Variants in ATP13A4 observed in about 807,000 individuals in gnomAD.
ATP13A4 encodes ATPase 13A4, also known as probable cation-transporting ATPase 13A4.
Under a neutral mutation model 142.5 loss-of-function variants are expected in ATP13A4, and 114 were observed. That is an observed-to-expected ratio of 0.80 (90% CI 0.69 to 0.93). The LOEUF is 0.93. Among genes scored for constraint, ATP13A4 ranks in the 40% least tolerant of loss-of-function variants. The pLI is 0.00. For synonymous variants in ATP13A4, 488 were observed against 514.8 expected, an observed-to-expected ratio of 0.95 and a Z score of 0.70; for missense variants, 1,392 against 1,454.0, an observed-to-expected ratio of 0.96 and a Z score of 0.69.
At chr3:193,413,251 T>C (rs1714866936) in intron 26 of ATP13A4, among the ~76,000 whole-genome samples, 1 of 152,220 alleles carries the variant, frequency 6.6e-6, no homozygotes, top group South Asian at 2.1e-4. Context: ...AATAATACTC[T>C]TATAATTTCT....
At chr3:193,497,286 A>T (rs1042173031) in intron 3 of ATP13A4, among the ~76,000 whole-genome samples, 1 of 152,206 alleles carries the variant, frequency 6.6e-6, no homozygotes, top group African/African-American at 2.4e-5. Context: ...TCAAAAGAAG[A>T]CACACAAATG....
At chr3:193,437,402 C>T (rs1716350292) in intron 23 of ATP13A4, among the ~76,000 whole-genome samples, 1 of 152,100 alleles carries the variant, frequency 6.6e-6, no homozygotes, top group African/African-American at 2.4e-5. Flanking sequence ...TGCCTACTCA[C>T]TAAAGATTTG....
At chr3:193,424,605 A>G (rs1018992064) in intron 25 of ATP13A4, among the ~76,000 whole-genome samples, 3 of 149,706 alleles carry the variant, frequency 2.0e-5, no homozygotes, top group Non-Finnish European at 3.0e-5. Flanking sequence ...AATGGTGCTG[A>G]GAAAATTGGT....
At chr3:193,455,316 GGGCA>G (rs1202927785) in intron 16 of ATP13A4, among the ~76,000 whole-genome samples, 24 of 143,754 alleles carry the variant, frequency 1.7e-4, no homozygotes, top group Admixed American at 6.5e-4. Context: ...ACTCCAGCCT[GGGCA>G]ACAGAGCGAG....
At chr3:193,562,985 A>C (rs1469234119) in intron 2 of ATP13A4, among the ~76,000 whole-genome samples, 5 of 152,202 alleles carry the variant, frequency 3.3e-5, no homozygotes, top group African/African-American at 1.2e-4. Context: ...CAATGTTTTC[A>C]TCTTTGAAAT....
In ATP13A4 at chr3:193,466,283, A is replaced by T. The variant is rs973471185; in HGVS notation, c.1115-101T>A. 26 of 1,405,140 alleles carry T rather than the reference A, an allele frequency of 1.9e-5. No individual in the cohort carries two copies. The African/African-American group carries it at 3.4e-4, about 18-fold the overall frequency. 87.0% of individuals were successfully genotyped at this position (1,405,140 alleles called of 1,614,324 possible). On this transcript the variant is annotated intron_variant, in intron 10 of 29. Coordinates refer to ENST00000342695, the MANE Select transcript of ATP13A4 (RefSeq NM_032279.4). ...CTTTGTTTTTCTCTGCTGATATTTGAACAGTGTTTAAGCTCAAAGGCAATT... is the reference window on the plus strand; with the variant it reads ...CTTTGTTTTTCTCTGCTGATATTTGTACAGTGTTTAAGCTCAAAGGCAATT...
intron 20 of ATP13A4, 131 bp downstream of exon 20, chr3:193,441,333 GTC>G: frequency 8.8e-7 from 1 of 1,136,232 alleles, no homozygotes; most frequent in African/African-American, 1.5e-5. Context: ...AAAAATATCT[GTC>G]TCTCTTAAGA....
At position 193,502,476 on chromosome 3, in the gene ATP13A4, G is replaced by A; in HGVS notation, c.381+17C>T. ...TTAAATCTCTCTGACATCAGCAGTAGCCATAAGTTTACTTACCTTTAGGTC... is the reference window on the plus strand; with the variant it reads ...TTAAATCTCTCTGACATCAGCAGTAACCATAAGTTTACTTACCTTTAGGTC... On this transcript the variant is annotated intron_variant, in intron 3 of 29. Coordinates refer to ENST00000342695, the MANE Select transcript of ATP13A4 (RefSeq NM_032279.4). 1 of 1,612,000 alleles carries A rather than the reference G, an allele frequency of 6.2e-7. No individual in the cohort carries two copies. The highest frequency in any genetic ancestry group is 8.5e-7 in the Non-Finnish European group (1 of 1,178,190).
At chr3:193,466,353 T>C (rs1180995575) in intron 10 of ATP13A4, among the ~76,000 whole-genome samples, 171 bp from the exon 11 acceptor site, 1 of 152,238 alleles carries the variant, frequency 6.6e-6, no homozygotes, top group African/African-American at 2.4e-5. Context: ...CGGAAATCTC[T>C]ATCTCAGAGC....
chr3:193,408,623 A>C lies in ATP13A4; in HGVS notation c.3298-1230T>G, dbSNP rs534824018. Reference sequence around the variant, plus strand: ...AGAATCCACCACCACATCCACTGTAAAGCATATCTAAAGTCATAAGCTGCA... The same window carrying C: ...AGAATCCACCACCACATCCACTGTACAGCATATCTAAAGTCATAAGCTGCA... On this transcript the variant is annotated intron_variant, in intron 28 of 29. Transcript: ENST00000342695. Among the ~76,000 whole-genome samples, 88 of 152,306 alleles carry C rather than the reference A, an allele frequency of 5.8e-4. 1 individual carries two copies. The highest frequency in any genetic ancestry group is 4.6e-4 in the Non-Finnish European group (31 of 68,020).
At chr3:193,575,561 C>G (rs1724374240) in intron 2 of ATP13A4, among the ~76,000 whole-genome samples, 1 of 152,098 alleles carries the variant, frequency 6.6e-6, no homozygotes, top group Non-Finnish European at 1.5e-5. Context: ...GATCAAGTTT[C>G]AAAAATAACT....
chr3:193,480,830 A>G (rs1719249307), intron 8 of ATP13A4, among the ~76,000 whole-genome samples: 1 of 152,242 alleles, frequency 6.6e-6, no homozygotes. Context: ...TTGCATGTGC[A>G]TGTCTAGAGC....
At chr3:193,493,521 C>T (rs552550875) in intron 3 of ATP13A4, among the ~76,000 whole-genome samples, 71 of 152,038 alleles carry the variant, frequency 4.7e-4, no homozygotes, top group African/African-American at 1.4e-3. Context: ...ATAAAAAATA[C>T]GGTCTTGAAA....
intron 1 of ATP13A4, among the ~76,000 whole-genome samples, chr3:193,551,719 G>A (rs1723578134): frequency 6.6e-6 from 1 of 152,202 alleles, no homozygotes; most frequent in Non-Finnish European, 1.5e-5. Context: ...CCCAAGGCCG[G>A]TGAGAGCCAG....
intron 2 of ATP13A4, among the ~76,000 whole-genome samples, chr3:193,561,749 A>G (rs1724021196): frequency 6.6e-6 from 1 of 152,170 alleles, no homozygotes; most frequent in South Asian, 2.1e-4. Context: ...CACTTCAAAT[A>G]AGCAATCTTA....
rs1385366530 is a variant in ATP13A4, at chr3:193,459,248, A to AATGGGTTTCCATTCCATCGCCTC, written c.1524-40_1524-18dup. The AATGGGTTTCCATTCCATCGCCTC allele has an allele frequency of 6.2e-7, 1 of 1,614,052 alleles. No individual in the cohort carries two copies. Among genetic ancestry groups the AATGGGTTTCCATTCCATCGCCTC allele is most frequent in the African/African-American group, 1.3e-5 (1 of 74,942 alleles). The stretch of plus-strand genomic sequence containing the variant: ...TCCTGAAAGCTTAAGGAGAAAAGGA[A>AATGGGTTTCCATTCCATCGCCTC]ATGGGTTTCCATTCCATCGCCTCAT... On this transcript the variant is annotated splice_polypyrimidine_tract_variant and intron_variant, in intron 13 of 29. Transcript: ENST00000342695.
intron 16 of ATP13A4, among the ~76,000 whole-genome samples, chr3:193,455,625 G>A (rs1048026965): frequency 1.3e-5 from 2 of 152,222 alleles, no homozygotes; most frequent in African/African-American, 4.8e-5. Context: ...AGAAAACACA[G>A]TGATACCCCA....
In ATP13A4 at chr3:193,433,914, T is replaced by C; in HGVS notation, c.2773A>G (p.Thr925Ala). 1 of 1,613,222 alleles carries C rather than the reference T, an allele frequency of 6.2e-7. No individual in the cohort carries two copies. The highest frequency in any genetic ancestry group is 8.5e-7 in the Non-Finnish European group (1 of 1,179,178). Reference protein sequence around the residue: ...YVGVLLLYWETNSLSNYQFLF... With the variant: ...YVGVLLLYWEANSLSNYQFLF... ...AACTGGTAATTTGAAAGGCTGTTTG[T>C]CTCCTGAAAATAAAAAGAAAGCAGA... The change falls in exon 25 of 30, where the codon ACA (threonine) becomes GCA (alanine). Residue 925 changes from threonine (T) to alanine (A), a missense_variant. Transcript: ENST00000342695.
chr3:193,453,354 C>T (rs1717394349), intron 17 of ATP13A4, among the ~76,000 whole-genome samples: 1 of 151,860 alleles, frequency 6.6e-6, no homozygotes, highest in Non-Finnish European at 1.5e-5. Context: ...AATGTAAAAT[C>T]CTAAATTTAA....
Sources: gnomAD v4.1 joint callset for allele counts (sites outside exome capture counted in the v4.1 genomes callset) on GRCh38, gnomAD v4.1.1 for gene constraint, MANE v1.5 for transcripts, NCBI Gene and HGNC (gene_info 2026-07-23, HGNC 2026-07-21) for gene names.